MALRD1: variants seen among roughly 807,000 people sequenced by gnomAD.
MALRD1 encodes MAM and LDL-receptor class A domain-containing protein 1.
In MALRD1, 247 loss-of-function variants were observed where a neutral mutation model predicts 242.1. The observed-to-expected ratio is 1.02, with a 90% CI of 0.92 to 1.13. The LOEUF (loss-of-function observed/expected upper bound fraction) is 1.13. Among genes scored for constraint, MALRD1 ranks in the 50% most tolerant of loss-of-function variants. The probability of loss-of-function intolerance (pLI) is 0.00; values close to 1 mark genes in which losing one functional copy is unlikely to be tolerated. For missense variants in MALRD1, 2,989 were observed against 2,533.1 expected (o/e 1.18, Z -3.86); for synonymous variants, 995 against 866.6 (o/e 1.15, Z -2.60).
chr10:19,056,309 T>G (rs1188099800), intron 1 of MALRD1, among the ~76,000 whole-genome samples: 1 of 152,092 alleles, frequency 6.6e-6, no homozygotes, highest in Non-Finnish European at 1.5e-5. Flanking sequence ...ATATTAATTT[T>G]TTAAGTCCAT....
chr10:19,369,994 C>T (rs190511333), intron 26 of MALRD1, among the ~76,000 whole-genome samples: 2 of 152,184 alleles, frequency 1.3e-5, no homozygotes, highest in Non-Finnish European at 2.9e-5. Context: ...ACCCTGGTCA[C>T]AGAGATATTC....
At position 19,203,838 on chromosome 10, in the gene MALRD1, C is replaced by G; in HGVS notation, c.2062C>G (p.His688Asp). 6.4e-7 allele frequency: 1 copy of G among 1,550,458 alleles called. No homozygotes were observed. Among genetic ancestry groups the G allele is most frequent in the Middle Eastern group, 1.7e-4 (1 of 5,992 alleles). The change falls in exon 15 of 40, where the codon CAC (histidine) becomes GAC (aspartate). Residue 688 changes from histidine (H) to aspartate (D), a missense_variant. Coordinates refer to ENST00000454679, the MANE Select transcript of MALRD1 (RefSeq NM_001142308.3). ...GAGTGAACTTTCTGCTGATTTTGAG[C>G]ACCAGGCTCCACCTCGGGATCATAG... ...SQSELSADFE[H>D]QAPPRDHSLN... is the part of the protein sequence containing the mutation.
chr10:19,618,210 C>T (rs931053625), intron 36 of MALRD1, among the ~76,000 whole-genome samples: 1 of 152,008 alleles, frequency 6.6e-6, no homozygotes, highest in Non-Finnish European at 1.5e-5. Flanking sequence ...ATATGTACCA[C>T]ATTTCCTTTA....
chr10:19,162,872 C>T (rs1834493776), intron 12 of MALRD1, among the ~76,000 whole-genome samples: 1 of 151,896 alleles, frequency 6.6e-6, no homozygotes, highest in South Asian at 2.1e-4. Flanking sequence ...TGGCTCACGC[C>T]TGTAATCCCA....
At chr10:19,497,479 C>G (rs1037075041) in intron 30 of MALRD1, among the ~76,000 whole-genome samples, 2 of 151,438 alleles carry the variant, frequency 1.3e-5, no homozygotes, top group African/African-American at 4.9e-5. Flanking sequence ...AAGTAAAATG[C>G]TAATATTTTA....
At chr10:19,223,776 C>T (rs555690329) in intron 18 of MALRD1, among the ~76,000 whole-genome samples, 1 of 152,106 alleles carries the variant, frequency 6.6e-6, no homozygotes, top group Non-Finnish European at 1.5e-5. Flanking sequence ...TCAACTCCCA[C>T]TTATGAGTGA....
At chr10:19,468,120 C>A (rs2358403) in intron 29 of MALRD1, among the ~76,000 whole-genome samples, 123,811 of 152,016 alleles carry the variant, frequency 0.81, 50,610 homozygotes, top group East Asian at 1. Flanking sequence ...AAAAAAAAAT[C>A]TATTGTGCTT....
At chr10:19,350,751 G>T (rs1281672416) in intron 25 of MALRD1, among the ~76,000 whole-genome samples, 1 of 152,158 alleles carries the variant, frequency 6.6e-6, no homozygotes, top group Non-Finnish European at 1.5e-5. Context: ...TAAAACATAT[G>T]CCTCATATTT....
intron 14 of MALRD1, among the ~76,000 whole-genome samples, chr10:19,201,892 T>C (rs748302658): frequency 6.6e-6 from 1 of 152,148 alleles, no homozygotes; most frequent in Non-Finnish European, 1.5e-5. Flanking sequence ...CTCAGCTCAC[T>C]GCAACCTCAG....
At chr10:19,397,158 A>T (rs1226188831) in intron 28 of MALRD1, among the ~76,000 whole-genome samples, 1 of 152,050 alleles carries the variant, frequency 6.6e-6, no homozygotes, top group African/African-American at 2.4e-5. Flanking sequence ...TTTTAATTAT[A>T]TTCACCTCAC....
At chr10:19,281,675 A>T (rs1165812055) in intron 20 of MALRD1, among the ~76,000 whole-genome samples, 1 of 151,878 alleles carries the variant, frequency 6.6e-6, no homozygotes, top group Non-Finnish European at 1.5e-5. Context: ...AAATTGTGAT[A>T]AAAACACATA....
intron 5 of MALRD1, among the ~76,000 whole-genome samples, chr10:19,113,792 T>TAC (rs753384799): frequency 0.033 from 4,424 of 134,492 alleles, 153 homozygotes; most frequent in East Asian, 0.19. Flanking sequence ...TACCACCCCC[T>TAC]ACACACACAC....
chr10:19,295,248 G>T (rs1327756816), intron 21 of MALRD1, among the ~76,000 whole-genome samples: 1 of 151,904 alleles, frequency 6.6e-6, no homozygotes. Flanking sequence ...TTAGACATTT[G>T]ATAAGTCTCA....
intron 36 of MALRD1, among the ~76,000 whole-genome samples, chr10:19,630,913 T>C (rs1275327828): frequency 6.6e-6 from 1 of 152,170 alleles, no homozygotes; most frequent in Non-Finnish European, 1.5e-5. Flanking sequence ...ATTCATTGGC[T>C]ATAAAGTATA....
chr10:19,186,325 C>A (rs1028102578), intron 14 of MALRD1, among the ~76,000 whole-genome samples: 1 of 152,132 alleles, frequency 6.6e-6, no homozygotes, highest in South Asian at 2.1e-4. Context: ...CTGGTGAAGG[C>A]TCATCATTTC....
intron 36 of MALRD1, among the ~76,000 whole-genome samples, chr10:19,678,118 GT>G (rs1842211582): frequency 6.6e-6 from 1 of 152,084 alleles, no homozygotes; most frequent in Non-Finnish European, 1.5e-5. Context: ...TTCCAGTTTT[GT>G]GCTTTTATCT....
chr10:19,317,245 T>TA (rs1483505080), intron 21 of MALRD1, among the ~76,000 whole-genome samples: 2 of 151,846 alleles, frequency 1.3e-5, no homozygotes, highest in Non-Finnish European at 2.9e-5. Flanking sequence ...AGAGGTTTCT[T>TA]ATTTGCAGAT....
chr10:19,133,166 C>T (rs1029525097), intron 8 of MALRD1, among the ~76,000 whole-genome samples: 1 of 152,008 alleles, frequency 6.6e-6, no homozygotes, highest in Non-Finnish European at 1.5e-5. Flanking sequence ...TTCTTACATT[C>T]AATACATGTT....
intron 12 of MALRD1, among the ~76,000 whole-genome samples, chr10:19,161,617 G>A (rs1588632094): frequency 7.5e-6 from 1 of 132,630 alleles, no homozygotes; most frequent in Non-Finnish European, 1.6e-5. Flanking sequence ...TTGAATGTTT[G>A]TTGTAATTTT....
Sources: gnomAD v4.1 joint callset for allele counts (sites outside exome capture counted in the v4.1 genomes callset) on GRCh38, gnomAD v4.1.1 for gene constraint, MANE v1.5 for transcripts, NCBI Gene and HGNC (gene_info 2026-07-23, HGNC 2026-07-21) for gene names.